The following GTF3C3 variants were observed in gnomAD, a reference collection of about 807,000 sequenced individuals.
The protein encoded by GTF3C3 is general transcription factor IIIC subunit 3.
GTF3C3 carries 75 observed loss-of-function variants against 105.2 expected under a neutral mutation model. The ratio of observed to expected loss-of-function variants is 0.71; its 90% confidence interval spans 0.59 to 0.86. GTF3C3 has a LOEUF of 0.86. Ranked by LOEUF, GTF3C3 falls within the 40% of genes least tolerant of loss-of-function variation. The probability of loss-of-function intolerance (pLI) is 0.00; values close to 1 mark genes in which losing one functional copy is unlikely to be tolerated. For missense variants in GTF3C3, 856 were observed against 1,076.5 expected, an observed-to-expected ratio of 0.80 and a Z score of 2.87; for synonymous variants, 335 against 370.4, an observed-to-expected ratio of 0.90 and a Z score of 1.10.
intron 15 of GTF3C3, among the ~76,000 whole-genome samples, chr2:196,771,457 A>T (rs577566394): frequency 1.3e-5 from 2 of 152,196 alleles, no homozygotes; most frequent in Admixed American, 6.5e-5. Context: ...AAAGCTTAGT[A>T]AGAATAACAA....
At chr2:196,769,729 A>G (rs1213605076) in intron 16 of GTF3C3, among the ~76,000 whole-genome samples, 186 bp downstream of exon 16, 2 of 152,156 alleles carry the variant, frequency 1.3e-5, no homozygotes, top group Non-Finnish European at 2.9e-5. Context: ...TATCGCTGTA[A>G]TAAGTCTTAA....
At chr2:196,785,404 T>G (rs1463369487) in intron 7 of GTF3C3, 37 bp downstream of exon 7, 3 of 1,293,864 alleles carry the variant, frequency 2.3e-6, no homozygotes, top group Admixed American at 4.6e-5. Context: ...CAGAAACACA[T>G]GCAAAACTTA....
In GTF3C3 at chr2:196,797,785, A is replaced by C. The variant is rs1003661270; in HGVS notation, c.214+12T>G. On this transcript the variant is annotated intron_variant, in intron 2 of 17. Coordinates refer to ENST00000263956, the MANE Select transcript of GTF3C3 (RefSeq NM_012086.5). ...AAACATTCATTGCAGGAAGCACATA[A>C]TTTTAACATACCTTCATTGACATCT... The C allele has an allele frequency of 7.8e-6, 11 of 1,413,264 alleles. No homozygotes were observed. Among genetic ancestry groups the C allele is most frequent in the Non-Finnish European group, 1.0e-5 (10 of 997,092 alleles). 87.5% of individuals were successfully genotyped at this position (1,413,264 alleles called of 1,614,324 possible). A position where few individuals can be genotyped will look rare whatever the true frequency, so the allele number is the denominator to read the frequency against.
At position 196,766,635 on chromosome 2, in the gene GTF3C3, T is replaced by A; in HGVS notation, c.2468A>T (p.Gln823Leu). The change falls in exon 17 of 18, where the codon CAG becomes CTG. Residue 823 changes from glutamine to leucine, a missense_variant. Transcript: ENST00000263956. ...GATTGCAAGATGAATCAGCCCCAAC[T>A]GATGAAGGCCACGGCCCAAATTGTA... ...SFYNLGRGLHQLGLIHLAIHY... is the reference protein window; with the variant it reads ...SFYNLGRGLHLLGLIHLAIHY... 6.2e-7 allele frequency: 1 copy of A among 1,613,540 alleles called. No individual in the cohort carries two copies. Among genetic ancestry groups the A allele is most frequent in the Non-Finnish European group, 8.5e-7 (1 of 1,179,590 alleles).
At position 196,764,531 on chromosome 2, in the gene GTF3C3, G is replaced by A. The variant is rs1210165541; in HGVS notation, c.*32C>T. On this transcript the variant is annotated 3_prime_UTR_variant, in exon 18 of 18. Transcript: ENST00000263956. ...AGAAGACACTGGTCCTCACACAGCA[G>A]CTGCCATTGCTCTGTTCTCAGTTGC... 2 of 1,590,368 alleles carry A rather than the reference G, an allele frequency of 1.3e-6. No individual in the cohort carries two copies. The highest frequency in any genetic ancestry group is 1.7e-6 in the Non-Finnish European group (2 of 1,165,210).
Position 196,771,755 on chromosome 2 carries a change from A to G in GTF3C3, c.2253T>C (p.His751=), listed in dbSNP as rs1699180011. The part of the protein sequence containing the change: ...HNAFVSGSFK[H]ALGQYVQAFR... ...ACGTGCCAGGACACTTACCAAGCGC[A>G]TGCTTAAAACTACCAGATACAAATG... Residue 751 remains histidine, a synonymous_variant, in exon 15 of 18, where the codon CAT becomes CAC. Coordinates refer to ENST00000263956, the MANE Select transcript of GTF3C3 (RefSeq NM_012086.5). The G allele has an allele frequency of 4.3e-6, 7 of 1,609,324 alleles. No homozygotes were observed. Among genetic ancestry groups the G allele is most frequent in the Non-Finnish European group, 5.1e-6 (6 of 1,175,714 alleles).
chr2:196,792,318 C>T (rs1337762457), intron 3 of GTF3C3, among the ~76,000 whole-genome samples: 1 of 151,966 alleles, frequency 6.6e-6, no homozygotes, highest in African/African-American at 2.4e-5. Context: ...TACCACACCT[C>T]GCTAGTTTTT....
intron 8 of GTF3C3, among the ~76,000 whole-genome samples, chr2:196,781,526 G>A (rs1192728070): frequency 6.6e-6 from 1 of 150,886 alleles, no homozygotes; most frequent in African/African-American, 2.4e-5. Context: ...ATGATTTAAA[G>A]TATACAGGAG....
In GTF3C3 at chr2:196,776,131, A is replaced by G; in HGVS notation, c.1594-20T>C. ...CAGTTCCTAAACAAATAAGCACATGATGATGAGCCTAACAAGATTCCTTTT... is the reference window on the plus strand; with the variant it reads ...CAGTTCCTAAACAAATAAGCACATGGTGATGAGCCTAACAAGATTCCTTTT... On this transcript the variant is annotated intron_variant, in intron 11 of 17. Coordinates refer to ENST00000263956, the MANE Select transcript of GTF3C3 (RefSeq NM_012086.5). This position sits in a 1 kb window ranked among gnomAD's most constrained non-coding sequence, Gnocchi z 4.5. The G allele has an allele frequency of 1.6e-6, 2 of 1,225,224 alleles. No individual in the cohort carries two copies. The highest frequency in any genetic ancestry group is 2.3e-6 in the Non-Finnish European group (2 of 851,308). 75.9% of individuals were successfully genotyped at this position (1,225,224 alleles called of 1,614,324 possible).
intron 8 of GTF3C3, among the ~76,000 whole-genome samples, chr2:196,781,131 A>C (rs1046348894): frequency 7.2e-5 from 11 of 151,846 alleles, no homozygotes; most frequent in African/African-American, 2.4e-4. Context: ...AAGTCTAATA[A>C]ATTCCAAATA....
chr2:196,773,468 A>G (rs1353086746), intron 13 of GTF3C3, among the ~76,000 whole-genome samples: 2 of 152,176 alleles, frequency 1.3e-5, no homozygotes. Flanking sequence ...TAGAACAAGT[A>G]TACTTTCTAT....
chr2:196,781,357 A>ATATCTATCTATATAT (rs1553578902), intron 8 of GTF3C3, among the ~76,000 whole-genome samples: 2 of 18,812 alleles, frequency 1.1e-4, no homozygotes, highest in Non-Finnish European at 3.0e-4. Context: ...AAAAAAAAAA[A>ATATCTATCTATATAT]ATATATATAT....
At position 196,766,894 on chromosome 2, in the gene GTF3C3, G is replaced by A. The variant is rs117040652; in HGVS notation, c.2386-177C>T. 4.2e-3 allele frequency: 1,664 copies of A among 400,782 alleles called. 36 individuals are homozygous for A. The Admixed American group carries it at 0.046, about 11-fold the overall frequency. The allele number at this position is 400,782 out of a possible 1,614,324, so 24.8% of individuals were successfully genotyped here. A position where few individuals can be genotyped will look rare whatever the true frequency, so the allele number is the denominator to read the frequency against. On this transcript the variant is annotated intron_variant, in intron 16 of 17. Coordinates refer to ENST00000263956, the MANE Select transcript of GTF3C3 (RefSeq NM_012086.5). ...TAGGTGTCAACATTATAGCTCTTCT[G>A]AAGATGTAAGAATTTTTTTTAGCTA...
At position 196,786,452 on chromosome 2, in the gene GTF3C3, A is replaced by G. The variant is rs1251197676; in HGVS notation, c.894-864T>C. Among the ~76,000 whole-genome samples the G allele has an allele frequency of 6.6e-6, 1 of 152,128 alleles. No homozygotes were observed. The highest frequency in any genetic ancestry group is 1.9e-4 in the East Asian group (1 of 5,194). The stretch of plus-strand genomic sequence containing the variant: ...AAAGAGAATTAAATCAGAACATCCC[A>G]CATATTTCCAGCACATCTACCTACT... On this transcript the variant is annotated intron_variant, in intron 6 of 17. Coordinates refer to ENST00000263956, the MANE Select transcript of GTF3C3 (RefSeq NM_012086.5). This position sits in a 1 kb window ranked among gnomAD's most constrained non-coding sequence, Gnocchi z 4.2.
intron 16 of GTF3C3, among the ~76,000 whole-genome samples, chr2:196,769,489 A>AT (rs1233865769): frequency 1.3e-5 from 2 of 152,256 alleles, no homozygotes; most frequent in African/African-American, 4.8e-5. Context: ...TCAAATTATT[A>AT]TAAGAACCAC....
In GTF3C3 at chr2:196,793,151, T is replaced by G. The variant is rs1466855158; in HGVS notation, c.216A>C (p.Gly72=). ...TKSQDKDVNE[G]ETSDGVRKSV... ...ACTTCCTCACTCCATCTGATGTTTC[T>G]CCTGAGAAAAGAGACATTGATGGGG... The change falls in exon 3 of 18, where the codon GGA becomes GGC. Residue 72 remains glycine (G), a splice_region_variant and synonymous_variant. Coordinates refer to ENST00000263956, the MANE Select transcript of GTF3C3 (RefSeq NM_012086.5). 6.3e-7 allele frequency: 1 copy of G among 1,597,584 alleles called. No homozygotes were observed. Among genetic ancestry groups the G allele is most frequent in the Non-Finnish European group, 8.6e-7 (1 of 1,169,376 alleles).
At chr2:196,767,222 GAT>G (rs1699084621) in intron 16 of GTF3C3, among the ~76,000 whole-genome samples, 1 of 152,070 alleles carries the variant, frequency 6.6e-6, no homozygotes, top group Non-Finnish European at 1.5e-5. Flanking sequence ...AAAAAAACTG[GAT>G]TTTTTTCTCC....
At chr2:196,790,827 T>C (rs1190684898) in intron 4 of GTF3C3, among the ~76,000 whole-genome samples, 1 of 152,030 alleles carries the variant, frequency 6.6e-6, no homozygotes, top group Non-Finnish European at 1.5e-5. Flanking sequence ...CAAACCACTC[T>C]GCAGAGCATA....
rs775749768 is a variant in GTF3C3, at chr2:196,773,161, G to A, written c.1832-8C>T. On this transcript the variant is annotated splice_region_variant and splice_polypyrimidine_tract_variant and intron_variant, in intron 13 of 17. Coordinates refer to ENST00000263956, the MANE Select transcript of GTF3C3 (RefSeq NM_012086.5). ...TGAGCACAGCAAATATTGCTAAAAT[G>A]AGACCAATGAAAACCAGTTAGGACA... The A allele has an allele frequency of 8.0e-6, 12 of 1,498,378 alleles. No individual in the cohort carries two copies. Among genetic ancestry groups the A allele is most frequent in the Non-Finnish European group, 1.0e-5 (11 of 1,087,534 alleles). 92.8% of individuals were successfully genotyped at this position (1,498,378 alleles called of 1,614,324 possible).
Sources: gnomAD v4.1 joint callset for allele counts (sites outside exome capture counted in the v4.1 genomes callset) on GRCh38, gnomAD v4.1.1 for gene constraint, Gnocchi (gnomAD v3.1) non-coding constraint, MANE v1.5 for transcripts, NCBI Gene and HGNC (gene_info 2026-07-23, HGNC 2026-07-21) for gene names.